The following DSC3 variants were observed in gnomAD, a reference collection of about 807,000 sequenced individuals.
DSC3 encodes the protein desmocollin 3.
In DSC3, 97 loss-of-function variants were observed where a neutral mutation model predicts 89.5. That is an observed-to-expected ratio of 1.08 (90% CI 0.92 to 1.28). The LOEUF (loss-of-function observed/expected upper bound fraction) is 1.28, where lower values mean the gene tolerates loss of function less well. Among genes scored for constraint, DSC3 ranks in the 50% most tolerant of loss-of-function variants. DSC3 has a pLI of 0.00. For synonymous variants in DSC3, 436 were observed against 384.1 expected, an observed-to-expected ratio of 1.14 and a Z score of -1.58; for missense variants, 1,199 against 1,085.3, an observed-to-expected ratio of 1.10 and a Z score of -1.47.
chr18:31,036,169 T>C (rs1985961593), intron 1 of DSC3, among the ~76,000 whole-genome samples: 1 of 152,204 alleles, frequency 6.6e-6, no homozygotes, highest in Non-Finnish European at 1.5e-5. Context: ...AAAGTACTAA[T>C]ATCAATTTCT....
intron 1 of DSC3, 107 bp downstream of exon 1, chr18:31,042,485 G>T: frequency 8.6e-7 from 1 of 1,165,544 alleles, no homozygotes; most frequent in African/African-American, 1.5e-5. Context: ...ATTGATCTGA[G>T]CCGCGGTTGT....
At position 31,037,520 on chromosome 18, in the gene DSC3, T is replaced by C. The variant is rs147020152; in HGVS notation, c.69+5072A>G. Among the ~76,000 whole-genome samples, 726 of 152,336 alleles carry C rather than the reference T, an allele frequency of 4.8e-3. 8 individuals are homozygous for C. Among genetic ancestry groups the C allele is most frequent in the African/African-American group, 0.016 (681 of 41,582 alleles). On this transcript the variant is annotated intron_variant, in intron 1 of 15. Transcript: ENST00000360428. ...ACTTAAAGAGAATATTTTTACAGTT[T>C]TGCCATTAATTATGAGTCTTTTTCT...
At position 31,024,393 on chromosome 18, in the gene DSC3, G is replaced by A. The variant is rs968104807; in HGVS notation, c.731C>T (p.Thr244Ile). The change falls in exon 6 of 16, where the codon ACA becomes ATA. Residue 244 changes from threonine to isoleucine, a missense_variant. Coordinates refer to ENST00000360428, the MANE Select transcript of DSC3 (RefSeq NM_001941.5). ...EDENDNHPVF[T>I]EAIYNFEVLE... Reference sequence around the variant, plus strand: ...AACTTCAAAATTATAAATTGCTTCTGTGAAAACAGGGTGGTTGTCATTTTC... The same window carrying A: ...AACTTCAAAATTATAAATTGCTTCTATGAAAACAGGGTGGTTGTCATTTTC... The A allele has an allele frequency of 1.9e-6, 3 of 1,608,712 alleles. No individual in the cohort carries two copies. The highest frequency in any genetic ancestry group is 2.5e-6 in the Non-Finnish European group (3 of 1,176,552).
intron 5 of DSC3, among the ~76,000 whole-genome samples, chr18:31,024,867 G>A (rs115732280): frequency 1.0e-3 from 154 of 152,184 alleles, no homozygotes; most frequent in African/African-American, 3.6e-3. Flanking sequence ...TCTAAATAAA[G>A]CAGCAATTCC....
chr18:31,002,784 G>A (rs941121510), intron 13 of DSC3, among the ~76,000 whole-genome samples: 3 of 151,582 alleles, frequency 2.0e-5, no homozygotes, highest in Non-Finnish European at 4.4e-5. Context: ...ATGTTCTATT[G>A]GAACACAGTA....
intron 5 of DSC3, among the ~76,000 whole-genome samples, chr18:31,025,057 A>G (rs1190636632): frequency 6.6e-6 from 1 of 152,192 alleles, no homozygotes; most frequent in Non-Finnish European, 1.5e-5. Context: ...TTTTCTAAGC[A>G]AATGCAAAGC....
rs200128449 is a variant in DSC3, at chr18:31,008,009, T to C, written c.1663+7A>G. On this transcript the variant is annotated splice_region_variant and intron_variant, in intron 11 of 15. Transcript: ENST00000360428. Reference sequence around the variant, plus strand: ...TATAGAATACCAGATTAAAACTTTTTTTTTACCTTTGTCTATTGCCAGGAC... The same window carrying C: ...TATAGAATACCAGATTAAAACTTTTCTTTTACCTTTGTCTATTGCCAGGAC... The C allele has an allele frequency of 6.2e-7, 1 of 1,610,866 alleles. No individual in the cohort carries two copies. Among genetic ancestry groups the C allele is most frequent in the East Asian group, 2.2e-5 (1 of 44,758 alleles).
intron 9 of DSC3, among the ~76,000 whole-genome samples, chr18:31,011,662 T>C (rs1380037063): frequency 4.6e-5 from 7 of 152,236 alleles, no homozygotes; most frequent in African/African-American, 1.7e-4. Context: ...ATACAGTGTT[T>C]GATTTTCAAA....
In DSC3 at chr18:30,994,394, G is replaced by T; in HGVS notation, c.2494-22C>A. The T allele has an allele frequency of 2.5e-6, 4 of 1,609,318 alleles. No homozygotes were observed. The South Asian group carries it at 3.3e-5, about 13-fold the overall frequency. ...ATTTCTGTAAAATTTTTTAAAAAAT[G>T]AATTGCATTATAGTTTTAAACAACT... On this transcript the variant is annotated intron_variant, in intron 15 of 15. Coordinates refer to ENST00000360428, the MANE Select transcript of DSC3 (RefSeq NM_001941.5).
chr18:31,030,513 A>G (rs372626180), intron 3 of DSC3, among the ~76,000 whole-genome samples: 52 of 152,320 alleles, frequency 3.4e-4, no homozygotes, highest in African/African-American at 1.2e-3. Context: ...TCTATAATAG[A>G]GGGATAACCA....
rs1445846286 is a variant in DSC3 at position 30,990,362 on chromosome 18, C to T, written c.*3813G>A. On this transcript the variant is annotated 3_prime_UTR_variant, in exon 16 of 16. Transcript: ENST00000360428. ...GACCCAATATTCAACCAAATCAATACTGAAGGACACGTGAAATGTATCCGG... is the reference window on the plus strand; with the variant it reads ...GACCCAATATTCAACCAAATCAATATTGAAGGACACGTGAAATGTATCCGG... 6.6e-6 allele frequency: 1 copy of T among 152,142 alleles called. No homozygotes were observed. Among genetic ancestry groups the T allele is most frequent in the Non-Finnish European group, 1.5e-5 (1 of 68,026 alleles). 9.4% of individuals were successfully genotyped at this position (152,142 alleles called of 1,614,324 possible).
At chr18:31,029,763 C>A in intron 3 of DSC3, 135 bp from the exon 4 acceptor site, 1 of 1,108,678 alleles carries the variant, frequency 9.0e-7, no homozygotes, top group Non-Finnish European at 1.3e-6. Flanking sequence ...GGAGCTAAAC[C>A]AGTTAATAAA....
rs185907617 is a variant in DSC3, at chr18:31,004,978, T to C, written c.1889-612A>G. Among the ~76,000 whole-genome samples the C allele has an allele frequency of 9.8e-5, 15 of 152,340 alleles. No individual in the cohort carries two copies. In the East Asian group the frequency reaches 2.9e-3, roughly 29 times the overall value. On this transcript the variant is annotated intron_variant, in intron 12 of 15. Transcript: ENST00000360428. ...CAATAGTCTTGATCTATTATTTTAA[T>C]GACCATATTGTCAACTAACCAAAAG...
chr18:30,994,299 C>T lies in DSC3; in HGVS notation c.2567G>A (p.Gly856Glu), dbSNP rs200782759. 1.9e-6 allele frequency: 3 copies of T among 1,613,958 alleles called. No individual in the cohort carries two copies. Among genetic ancestry groups the T allele is most frequent in the African/African-American group, 2.7e-5 (2 of 74,898 alleles). Residue 856 changes from glycine to glutamate, a missense_variant, in exon 16 of 16, where the codon GGA (glycine) becomes GAA (glutamate). Gly to Glu is a moderately conservative substitution (Grantham distance 98, BLOSUM62 -2). Transcript: ENST00000360428. ...QDYVLTYNYEGRGSPAGSVGC... is the reference protein window; with the variant it reads ...QDYVLTYNYEERGSPAGSVGC... Reference sequence around the variant, plus strand: ...CACAGAACCAGCTGGAGATCCTCTTCCCTCATAGTTATAAGTGAGGACATA... The same window carrying T: ...CACAGAACCAGCTGGAGATCCTCTTTCCTCATAGTTATAAGTGAGGACATA...
intron 1 of DSC3, among the ~76,000 whole-genome samples, chr18:31,041,842 C>A (rs1178678610): frequency 6.6e-6 from 1 of 152,074 alleles, no homozygotes; most frequent in Non-Finnish European, 1.5e-5. Flanking sequence ...GGAGTAAGTA[C>A]GACGCAACCC....
Position 30,993,039 on chromosome 18 carries a change from A to T in DSC3, c.*1136T>A, listed in dbSNP as rs2144666438. On this transcript the variant is annotated 3_prime_UTR_variant, in exon 16 of 16. Coordinates refer to ENST00000360428, the MANE Select transcript of DSC3 (RefSeq NM_001941.5). ...ATCTCCCCAGGGTGCTTTCAGTAAGATCCTCCCCTCAGCTCCCTCTAGCCT... is the reference window on the plus strand; with the variant it reads ...ATCTCCCCAGGGTGCTTTCAGTAAGTTCCTCCCCTCAGCTCCCTCTAGCCT... The T allele has an allele frequency of 6.6e-6, 1 of 152,388 alleles. No homozygotes were observed. Among genetic ancestry groups the T allele is most frequent in the Non-Finnish European group, 1.5e-5 (1 of 68,114 alleles). 9.4% of individuals were successfully genotyped at this position (152,388 alleles called of 1,614,324 possible). A position where few individuals can be genotyped will look rare whatever the true frequency, so the allele number is the denominator to read the frequency against.
intron 9 of DSC3, among the ~76,000 whole-genome samples, chr18:31,016,974 T>C (rs1276073619): frequency 6.6e-6 from 1 of 152,212 alleles, no homozygotes; most frequent in African/African-American, 2.4e-5. Context: ...GTCTTTGTCT[T>C]GCATTCTACT....
chr18:31,034,738 A>C lies in DSC3; in HGVS notation c.70-2462T>G, dbSNP rs181253883. On this transcript the variant is annotated intron_variant, in intron 1 of 15. Transcript: ENST00000360428. ...AAAGAAACTAGATACAAAACAACAC[A>C]TACTGTACGATTTCGTTTACATAAA... 2.2e-4 allele frequency among the ~76,000 whole-genome samples: 33 copies of C among 152,108 alleles called. 1 individual carries two copies. Among genetic ancestry groups the C allele is most frequent in the Non-Finnish European group, 4.6e-4 (31 of 68,018 alleles).
chr18:31,042,169 G>A (rs2144749441), intron 1 of DSC3, among the ~76,000 whole-genome samples: 1 of 152,224 alleles, frequency 6.6e-6, no homozygotes, highest in Admixed American at 6.5e-5. Context: ...CTGGGGAGGG[G>A]GCAGCCCCTA....
Sources: gnomAD v4.1 joint callset for allele counts (sites outside exome capture counted in the v4.1 genomes callset) on GRCh38, gnomAD v4.1.1 for gene constraint, MANE v1.5 for transcripts, NCBI Gene and HGNC (gene_info 2026-07-23, HGNC 2026-07-21) for gene names.